Variants in CNTNAP2 observed in about 807,000 individuals in gnomAD.
CNTNAP2 encodes the protein contactin-associated protein-like 2.
In CNTNAP2, 98 loss-of-function variants were observed where a neutral mutation model predicts 155.2. The ratio of observed to expected loss-of-function variants is 0.63; its 90% confidence interval spans 0.54 to 0.75. CNTNAP2 has a LOEUF of 0.75. Among genes scored for constraint, CNTNAP2 ranks in the 30% least tolerant of loss-of-function variants. The pLI, the probability that CNTNAP2 is intolerant of heterozygous loss-of-function variation, is 0.00. For missense variants in CNTNAP2, 1,727 were observed against 1,688.1 expected, an observed-to-expected ratio of 1.02 and a Z score of -0.40; for synonymous variants, 651 against 631.2, an observed-to-expected ratio of 1.03 and a Z score of -0.47.
At chr7:148,007,820 A>G (rs2116901310) in intron 15 of CNTNAP2, among the ~76,000 whole-genome samples, 1 of 152,318 alleles carries the variant, frequency 6.6e-6, no homozygotes, top group South Asian at 2.1e-4. Flanking sequence ...ATATGACACA[A>G]TAAAATGTCT....
Position 148,011,014 on chromosome 7 carries a change from T to C in CNTNAP2, c.2383+33025T>C, listed in dbSNP as rs148915073. On this transcript the variant is annotated intron_variant, in intron 15 of 23. Coordinates refer to ENST00000361727, the MANE Select transcript of CNTNAP2 (RefSeq NM_014141.6). ...TTTTGCTACTGCAAATAGTATCTTTTAATAAATTACTTTTTCTAATGATTG... is the reference window on the plus strand; with the variant it reads ...TTTTGCTACTGCAAATAGTATCTTTCAATAAATTACTTTTTCTAATGATTG... 2.7e-3 allele frequency among the ~76,000 whole-genome samples: 408 copies of C among 152,326 alleles called. 1 individual carries two copies. Among genetic ancestry groups the C allele is most frequent in the African/African-American group, 9.6e-3 (400 of 41,588 alleles).
chr7:147,810,866 A>G (rs186556424), intron 13 of CNTNAP2, among the ~76,000 whole-genome samples: 267 of 152,300 alleles, frequency 1.8e-3, no homozygotes, highest in Middle Eastern at 6.8e-3. Flanking sequence ...TACTCTACCA[A>G]TGAAAAGCAA....
At chr7:148,247,909 C>T (rs1461713657) in intron 20 of CNTNAP2, among the ~76,000 whole-genome samples, 1 of 152,058 alleles carries the variant, frequency 6.6e-6, no homozygotes, top group Non-Finnish European at 1.5e-5. Context: ...CCACCTCAGC[C>T]TCCCAAAGTG....
rs142980731 is a variant in CNTNAP2 at position 147,562,218 on chromosome 7, G to A, written c.1858G>A (p.Gly620Arg). 7.2e-5 allele frequency: 117 copies of A among 1,613,842 alleles called. No individual in the cohort carries two copies. The African/African-American group carries it at 1.1e-3, about 15-fold the overall frequency. Residue 620 changes from glycine (G) to arginine (R), a missense_variant, in exon 12 of 24, where the codon GGA (glycine) becomes AGA (arginine). By Grantham distance (125) the Gly-to-Arg change is moderately radical. Transcript: ENST00000361727. ...NYYWIDPDGS[G>R]PLGPLKVYCN... The stretch of plus-strand genomic sequence containing the variant: ...TTACTGGATAGATCCTGATGGCAGC[G>A]GACCTCTGGGGCCTCTGAAAGTTTA...
chr7:148,345,585 A>G (rs974044283), intron 21 of CNTNAP2, among the ~76,000 whole-genome samples: 5 of 152,052 alleles, frequency 3.3e-5, no homozygotes, highest in Admixed American at 6.5e-5. Context: ...GGGTTTCGCT[A>G]TGTTGGCCAG....
At chr7:148,129,685 G>A (rs191279931) in intron 16 of CNTNAP2, among the ~76,000 whole-genome samples, 78 of 152,318 alleles carry the variant, frequency 5.1e-4, no homozygotes, top group Admixed American at 4.1e-3. Flanking sequence ...TGACTGACCA[G>A]AGACCAGTCC....
chr7:148,354,167 C>T (rs898103786), intron 21 of CNTNAP2, among the ~76,000 whole-genome samples: 42 of 141,994 alleles, frequency 3.0e-4, no homozygotes, highest in African/African-American at 1.1e-3. Flanking sequence ...CTGAGAAATA[C>T]GAAACGATTA....
chr7:148,147,364 A>T (rs1805204395), intron 16 of CNTNAP2, 127 bp from the exon 17 acceptor site: 1 of 906,496 alleles, frequency 1.1e-6, no homozygotes, highest in Non-Finnish European at 1.8e-6. Context: ...TTTGCCATCG[A>T]CCTTTGTAGG....
chr7:147,858,953 C>G (rs1041042841), intron 13 of CNTNAP2, among the ~76,000 whole-genome samples: 13 of 152,048 alleles, frequency 8.5e-5, no homozygotes, highest in African/African-American at 3.1e-4. Flanking sequence ...TTTCGGCAAC[C>G]CTGGGAAACT....
intron 14 of CNTNAP2, among the ~76,000 whole-genome samples, chr7:147,919,776 T>C (rs1326459939): frequency 6.6e-6 from 1 of 151,354 alleles, no homozygotes; most frequent in Non-Finnish European, 1.5e-5. Flanking sequence ...CTATTTTTTG[T>C]GTTTTTCTCC....
chr7:146,238,805 C>T (rs1799515619), intron 1 of CNTNAP2, among the ~76,000 whole-genome samples: 1 of 152,118 alleles, frequency 6.6e-6, no homozygotes, highest in South Asian at 2.1e-4. Context: ...AAAGGGGAGG[C>T]AAGGCACCTT....
intron 4 of CNTNAP2, among the ~76,000 whole-genome samples, chr7:147,054,197 G>T (rs968117687): frequency 1.6e-4 from 25 of 152,170 alleles, no homozygotes; most frequent in Middle Eastern, 3.4e-3. Context: ...AAATGCTTTG[G>T]CCTATCAATT....
intron 8 of CNTNAP2, among the ~76,000 whole-genome samples, chr7:147,241,387 G>C (rs2063843642): frequency 6.6e-6 from 1 of 152,034 alleles, no homozygotes; most frequent in Non-Finnish European, 1.5e-5. Context: ...CAGCACTTTG[G>C]GAGGCTGAGG....
At chr7:148,147,189 C>A (rs1161582936) in intron 16 of CNTNAP2, among the ~76,000 whole-genome samples, 1 of 152,214 alleles carries the variant, frequency 6.6e-6, no homozygotes, top group Non-Finnish European at 1.5e-5. Context: ...GCGCTAACTT[C>A]TCCAGACTTC....
At chr7:148,041,279 A>G (rs761241647) in intron 15 of CNTNAP2, among the ~76,000 whole-genome samples, 10 of 152,244 alleles carry the variant, frequency 6.6e-5, no homozygotes, top group Non-Finnish European at 1.2e-4. Context: ...ACTGCAATTA[A>G]CAGGAAATAG....
intron 1 of CNTNAP2, among the ~76,000 whole-genome samples, chr7:146,220,747 T>C (rs2116896816): frequency 6.6e-6 from 1 of 152,256 alleles, no homozygotes; most frequent in South Asian, 2.1e-4. Flanking sequence ...ACGTTATGAA[T>C]GAAAAAAATT....
In CNTNAP2 at chr7:147,088,859, G is replaced by C. The variant is rs1800336798; in HGVS notation, c.551-19288G>C. Among the ~76,000 whole-genome samples, 3 of 152,120 alleles carry C rather than the reference G, an allele frequency of 2.0e-5. No homozygotes were observed. The South Asian group carries it at 6.2e-4, about 32-fold the overall frequency. On this transcript the variant is annotated intron_variant, in intron 4 of 23. Transcript: ENST00000361727. ...CTCAGGAGGCTGAGGCAGGAAGATT[G>C]CTTGAGCCCCGGAGTTCAAGGCTGC...
chr7:148,352,843 A>G (rs182539920), intron 21 of CNTNAP2, among the ~76,000 whole-genome samples: 1 of 152,276 alleles, frequency 6.6e-6, no homozygotes, highest in East Asian at 1.9e-4. Flanking sequence ...CTCCTGAATC[A>G]CACATTTACC....
chr7:146,901,961 C>T (rs1327550738), intron 3 of CNTNAP2, among the ~76,000 whole-genome samples: 2 of 150,132 alleles, frequency 1.3e-5, no homozygotes, highest in Middle Eastern at 3.4e-3. Context: ...CTGCAAGCTC[C>T]GCCTCCCGGG....
Sources: allele counts gnomAD v4.1 joint callset (sites outside exome capture counted in the v4.1 genomes callset), GRCh38; gene constraint gnomAD v4.1.1; transcripts MANE v1.5; gene names NCBI Gene and HGNC (gene_info 2026-07-23, HGNC 2026-07-21).